PLXNA4: variants seen among roughly 807,000 people sequenced by gnomAD.
The protein encoded by PLXNA4 is plexin A4.
Under a neutral mutation model 191.8 loss-of-function variants are expected in PLXNA4, and 44 were observed. The observed-to-expected ratio is 0.23, with a 90% CI of 0.18 to 0.29. The LOEUF is 0.29. PLXNA4 is among the 10% of genes least tolerant of loss of function. PLXNA4 has a pLI of 1.00. For synonymous variants in PLXNA4, 1,082 were observed against 1,009.5 expected (o/e 1.07, Z -1.36); for missense variants, 1,800 against 2,488.8 (o/e 0.72, Z 5.89).
At position 132,159,012 on chromosome 7, in the gene PLXNA4, G is replaced by T. The variant is rs114198572; in HGVS notation, c.4660+461C>A. Among the ~76,000 whole-genome samples the T allele has an allele frequency of 2.7e-3, 410 of 152,240 alleles. 5 individuals are homozygous for T. The highest frequency in any genetic ancestry group is 9.4e-3 in the African/African-American group (392 of 41,552). ...TCTATCACTGACCCAGATCCCTCAA[G>T]CTGTAGGTATTCAGCAAAAATTATA... On this transcript the variant is annotated intron_variant, in intron 25 of 31. Transcript: ENST00000321063.
intron 29 of PLXNA4, among the ~76,000 whole-genome samples, chr7:132,144,441 A>G (rs1399091): frequency 0.092 from 14,027 of 152,246 alleles, 2,159 homozygotes; most frequent in African/African-American, 0.32. Context: ...TAGAGTGTCA[A>G]TTAGTACTTG....
intron 2 of PLXNA4, among the ~76,000 whole-genome samples, chr7:132,612,981 C>T (rs904033357): frequency 1.3e-5 from 2 of 151,486 alleles, no homozygotes; most frequent in African/African-American, 4.9e-5. Context: ...AGATGTAACA[C>T]TATGAGAAAA....
At chr7:132,346,086 A>C (rs1803235927) in intron 3 of PLXNA4, among the ~76,000 whole-genome samples, 1 of 152,096 alleles carries the variant, frequency 6.6e-6, no homozygotes, top group African/African-American at 2.4e-5. Context: ...CACTGACTTA[A>C]CCTTGTTCCC....
At chr7:132,565,402 T>C (rs1801676327) in intron 1 of PLXNA4, among the ~76,000 whole-genome samples, 1 of 152,150 alleles carries the variant, frequency 6.6e-6, no homozygotes, top group East Asian at 1.9e-4. Flanking sequence ...GAAACAAAAA[T>C]AGGCCTGGAA....
At chr7:132,485,237 G>T (rs1797508875) in intron 3 of PLXNA4, among the ~76,000 whole-genome samples, 1 of 152,212 alleles carries the variant, frequency 6.6e-6, no homozygotes, top group Non-Finnish European at 1.5e-5. Flanking sequence ...TAATAGCAGG[G>T]CCAGCCAGAG....
intron 3 of PLXNA4, among the ~76,000 whole-genome samples, chr7:132,472,078 C>T (rs1014448654): frequency 6.6e-6 from 1 of 152,176 alleles, no homozygotes; most frequent in Non-Finnish European, 1.5e-5. Context: ...TTGCTTGTAA[C>T]CACGCTCCAT....
chr7:132,595,331 G>T (rs188477267), intron 2 of PLXNA4, among the ~76,000 whole-genome samples: 122 of 152,258 alleles, frequency 8.0e-4, no homozygotes, highest in African/African-American at 2.7e-3. Context: ...GGGGCACCAG[G>T]CATCATGGCA....
chr7:132,138,895 A>C (rs1367394606), intron 30 of PLXNA4, among the ~76,000 whole-genome samples: 4 of 152,188 alleles, frequency 2.6e-5, no homozygotes, highest in Non-Finnish European at 5.9e-5. Context: ...CCAGCCCTTC[A>C]CAGCCCTGGT....
intron 10 of PLXNA4, 139 bp downstream of exon 10, chr7:132,210,804 C>T (rs1797773587): frequency 1.1e-6 from 1 of 942,690 alleles, no homozygotes; most frequent in East Asian, 2.6e-5. Context: ...TGCCAGCAGG[C>T]ATGGGGGAAG....
chr7:132,627,457 TTTTG>T (rs139209617), intron 2 of PLXNA4, among the ~76,000 whole-genome samples: 6,975 of 152,128 alleles, frequency 0.046, 504 homozygotes, highest in African/African-American at 0.16. Context: ...TCCTGTACAG[TTTTG>T]TTTGTTTTCC....
At chr7:132,151,651 A>AGAAGAG (rs1299633864) in intron 25 of PLXNA4, among the ~76,000 whole-genome samples, 4 of 152,070 alleles carry the variant, frequency 2.6e-5, no homozygotes, top group African/African-American at 7.2e-5. Context: ...AAGAAGAGGA[A>AGAAGAG]GAAGAAGAAA....
Position 132,344,487 on chromosome 7 carries a change from C to A in PLXNA4, c.1372-46265G>T, listed in dbSNP as rs1585016152. On this transcript the variant is annotated intron_variant, in intron 3 of 31. Transcript: ENST00000321063. ...AGAGCAGGTGTGGGGTCTCGTGGAG[C>A]AACTGCATGTGCCTTGCCTACTTCC... 2.0e-5 allele frequency among the ~76,000 whole-genome samples: 3 copies of A among 152,228 alleles called. 1 individual carries two copies. The highest frequency in any genetic ancestry group is 2.0e-4 in the Admixed American group (3 of 15,294).
intron 25 of PLXNA4, among the ~76,000 whole-genome samples, chr7:132,156,066 C>T (rs1795782037): frequency 6.6e-6 from 1 of 151,370 alleles, no homozygotes; most frequent in Admixed American, 6.6e-5. Context: ...AGATTTTCGA[C>T]TTGCCAGCCT....
intron 3 of PLXNA4, among the ~76,000 whole-genome samples, chr7:132,407,497 A>G (rs756471979): frequency 5.3e-5 from 8 of 152,198 alleles, no homozygotes; most frequent in Non-Finnish European, 7.3e-5. Flanking sequence ...CACATACACC[A>G]ACACACAAAT....
Position 132,596,025 on chromosome 7 carries a change from T to C in PLXNA4, c.-87+49903A>G, listed in dbSNP as rs188687340. Among the ~76,000 whole-genome samples the C allele has an allele frequency of 2.0e-5, 3 of 152,276 alleles. No homozygotes were observed. In the East Asian group the frequency reaches 5.8e-4, roughly 29 times the overall value. On this transcript the variant is annotated intron_variant, in intron 2 of 4. Coordinates refer to the PLXNA4 transcript ENST00000378539. ...CCATCATCTTAAGAAATATATTTTATAGGGTTTTTTTACAATTACCAAGAT... is the reference window on the plus strand; with the variant it reads ...CCATCATCTTAAGAAATATATTTTACAGGGTTTTTTTACAATTACCAAGAT...
chr7:132,170,215 A>G (rs186459886), intron 21 of PLXNA4, among the ~76,000 whole-genome samples: 2 of 152,342 alleles, frequency 1.3e-5, no homozygotes, highest in East Asian at 3.9e-4. Context: ...CCATACTGCC[A>G]TTCTGTGTGC....
At chr7:132,153,580 G>T (rs1795706742) in intron 25 of PLXNA4, among the ~76,000 whole-genome samples, 1 of 152,114 alleles carries the variant, frequency 6.6e-6, no homozygotes, top group Admixed American at 6.5e-5. Flanking sequence ...ACCCTGGCCT[G>T]CCTCCAAGTG....
intron 1 of PLXNA4, among the ~76,000 whole-genome samples, chr7:132,565,103 T>G (rs1801659127): frequency 6.6e-6 from 1 of 152,236 alleles, no homozygotes; most frequent in South Asian, 2.1e-4. Flanking sequence ...CTCTTTGTCT[T>G]GATTTTCTTT....
chr7:132,174,569 A>G (rs1161268607), intron 21 of PLXNA4, among the ~76,000 whole-genome samples: 2 of 152,158 alleles, frequency 1.3e-5, no homozygotes, highest in Non-Finnish European at 2.9e-5. Context: ...CCAAGACCTG[A>G]AGCCCTACTC....
Sources: gnomAD v4.1 joint callset for allele counts (sites outside exome capture counted in the v4.1 genomes callset) on GRCh38, gnomAD v4.1.1 for gene constraint, MANE v1.5 for transcripts, NCBI Gene and HGNC (gene_info 2026-07-23, HGNC 2026-07-21) for gene names.